The following UNC5C variants were observed in gnomAD, a reference collection of about 807,000 sequenced individuals.
UNC5C encodes netrin receptor UNC5C.
A neutral mutation model predicts 99.8 loss-of-function variants in UNC5C; 47 were observed. The observed-to-expected ratio is 0.47, with a 90% CI of 0.37 to 0.60. The LOEUF is 0.60. Ranked by LOEUF, UNC5C falls within the 20% of genes least tolerant of loss-of-function variation. The probability of loss-of-function intolerance (pLI) is 0.00; values close to 1 mark genes in which losing one functional copy is unlikely to be tolerated. For missense variants in UNC5C, 1,062 were observed against 1,165.9 expected (o/e 0.91, Z 1.30); for synonymous variants, 487 against 452.2 (o/e 1.08, Z -0.98).
intron 1 of UNC5C, among the ~76,000 whole-genome samples, chr4:95,471,358 A>G (rs533502216): frequency 1.3e-5 from 2 of 152,260 alleles, no homozygotes; most frequent in Admixed American, 1.3e-4. Flanking sequence ...TACTAGGAAT[A>G]GAAAGATGAC....
At chr4:95,366,130 G>T (rs1744561477) in intron 1 of UNC5C, among the ~76,000 whole-genome samples, 1 of 152,024 alleles carries the variant, frequency 6.6e-6, no homozygotes, top group Non-Finnish European at 1.5e-5. Flanking sequence ...TGATGTTTTA[G>T]GAAGTGAAGT....
intron 1 of UNC5C, among the ~76,000 whole-genome samples, chr4:95,464,269 A>C (rs769810482): frequency 1.8e-4 from 28 of 152,220 alleles, no homozygotes; most frequent in Non-Finnish European, 5.9e-5. Flanking sequence ...CTAAGTTGGC[A>C]TGCTGGGAGG....
At chr4:95,413,454 A>T (rs959770444) in intron 1 of UNC5C, among the ~76,000 whole-genome samples, 4 of 152,320 alleles carry the variant, frequency 2.6e-5, no homozygotes, top group African/African-American at 7.2e-5. Flanking sequence ...ATTGCCATTC[A>T]TCAAGCTCAT....
chr4:95,483,409 TAAC>T (rs2149478846), intron 1 of UNC5C, among the ~76,000 whole-genome samples: 1 of 151,984 alleles, frequency 6.6e-6, no homozygotes, highest in African/African-American at 2.4e-5. Flanking sequence ...ACATATATAA[TAAC>T]GTGTATATAT....
intron 1 of UNC5C, among the ~76,000 whole-genome samples, chr4:95,464,784 G>T (rs967887914): frequency 5.9e-5 from 9 of 151,898 alleles, no homozygotes; most frequent in Admixed American, 3.3e-4. Context: ...TCAACCTGAG[G>T]GTGTATTCCC....
chr4:95,483,311 A>G (rs1721225361), intron 1 of UNC5C, among the ~76,000 whole-genome samples: 1 of 151,814 alleles, frequency 6.6e-6, no homozygotes, highest in Non-Finnish European at 1.5e-5. Context: ...TTTTGCGACT[A>G]TTAAAGTCAG....
At chr4:95,208,242 A>G (rs1040714317) in intron 10 of UNC5C, among the ~76,000 whole-genome samples, 1 of 152,216 alleles carries the variant, frequency 6.6e-6, no homozygotes, top group Non-Finnish European at 1.5e-5. Context: ...ACTTACAAAT[A>G]TTATTTAGCA....
chr4:95,372,214 T>C (rs1045046536), intron 1 of UNC5C, among the ~76,000 whole-genome samples: 1 of 152,204 alleles, frequency 6.6e-6, no homozygotes, highest in Non-Finnish European at 1.5e-5. Flanking sequence ...TCACTAAATA[T>C]GCCCGTATTT....
intron 4 of UNC5C, among the ~76,000 whole-genome samples, chr4:95,252,774 AAC>A (rs377013307): frequency 2.0e-5 from 3 of 152,214 alleles, no homozygotes; most frequent in Non-Finnish European, 2.9e-5. Flanking sequence ...GCAGGTGCGT[AAC>A]ACACAGTTTA....
chr4:95,462,322 A>G (rs1747628759), intron 1 of UNC5C, among the ~76,000 whole-genome samples: 2 of 152,246 alleles, frequency 1.3e-5, no homozygotes, highest in Admixed American at 1.3e-4. Context: ...AGCACAATGT[A>G]CATTAGGAAT....
At position 95,548,837 on chromosome 4, in the gene UNC5C, C is replaced by T. The variant is rs772566688; in HGVS notation, c.21G>A (p.Ala7=). 142 of 1,613,132 alleles carry T rather than the reference C, an allele frequency of 8.8e-5. 1 individual carries two copies. In the South Asian group the frequency reaches 1.4e-3, roughly 16 times the overall value. The change falls in exon 1 of 16, where the codon GCG becomes GCA. Residue 7 remains alanine (A), a synonymous_variant. Coordinates refer to ENST00000453304, the MANE Select transcript of UNC5C (RefSeq NM_003728.4). The part of the protein sequence containing the change: MRKGLR[A]TAARCGLGLG... ...GTCCCAGTCCGCAGCGGGCCGCTGT[C>T]GCCCGCAGACCTTTCCTCATCGTAG...
chr4:95,368,970 T>G (rs1030409973), intron 1 of UNC5C, among the ~76,000 whole-genome samples: 3 of 151,884 alleles, frequency 2.0e-5, no homozygotes, highest in Admixed American at 6.6e-5. Flanking sequence ...CAGGCTGGAG[T>G]GCAGTGGCAC....
At chr4:95,275,992 A>G (rs897587236) in intron 4 of UNC5C, among the ~76,000 whole-genome samples, 3 of 152,172 alleles carry the variant, frequency 2.0e-5, no homozygotes, top group Non-Finnish European at 4.4e-5. Context: ...ACTTTATCCT[A>G]TTTTTATGCT....
At chr4:95,471,237 A>T (rs147950177) in intron 1 of UNC5C, among the ~76,000 whole-genome samples, 224 of 152,216 alleles carry the variant, frequency 1.5e-3, no homozygotes, top group African/African-American at 4.9e-3. Flanking sequence ...TGGATGAATA[A>T]AAATAACCTA....
intron 14 of UNC5C, among the ~76,000 whole-genome samples, chr4:95,181,565 A>G (rs908153686): frequency 3.9e-5 from 6 of 151,964 alleles, no homozygotes; most frequent in African/African-American, 1.5e-4. Flanking sequence ...GGAAAGTGAA[A>G]ACACCCTCCC....
chr4:95,370,345 G>T (rs982856552), intron 1 of UNC5C, among the ~76,000 whole-genome samples: 2 of 151,442 alleles, frequency 1.3e-5, no homozygotes, highest in Non-Finnish European at 2.9e-5. Context: ...TTCATATGTG[G>T]TCATATTATA....
intron 1 of UNC5C, among the ~76,000 whole-genome samples, chr4:95,359,686 A>G (rs776287505): frequency 9.9e-5 from 15 of 152,136 alleles, no homozygotes; most frequent in Non-Finnish European, 2.1e-4. Context: ...AGAGCTAGGA[A>G]AGGAATCTAG....
intron 14 of UNC5C, among the ~76,000 whole-genome samples, chr4:95,176,985 G>T (rs373089680): frequency 6.6e-6 from 1 of 152,278 alleles, no homozygotes; most frequent in East Asian, 1.9e-4. Flanking sequence ...GCAGTACTTG[G>T]GGGGGAGTGA....
chr4:95,477,318 A>G (rs942428039), intron 1 of UNC5C, among the ~76,000 whole-genome samples: 4 of 152,090 alleles, frequency 2.6e-5, no homozygotes, highest in Non-Finnish European at 5.9e-5. Context: ...AATGATCACA[A>G]AATGGATCAG....
Sources: allele counts gnomAD v4.1 joint callset (sites outside exome capture counted in the v4.1 genomes callset), GRCh38; gene constraint gnomAD v4.1.1; transcripts MANE v1.5; gene names NCBI Gene and HGNC (gene_info 2026-07-23, HGNC 2026-07-21).